HS3ST2: variants seen among roughly 807,000 people sequenced by gnomAD.
HS3ST2 encodes the protein heparan sulfate glucosamine 3-O-sulfotransferase 2.
HS3ST2 carries 17 observed loss-of-function variants against 26.3 expected under a neutral mutation model. The ratio of observed to expected loss-of-function variants is 0.65; its 90% CI spans 0.44 to 0.97. The LOEUF (loss-of-function observed/expected upper bound fraction) is 0.97, where lower values mean the gene tolerates loss of function less well. Among genes scored for constraint, HS3ST2 ranks in the 50% least tolerant of loss-of-function variants. HS3ST2 has a pLI of 0.00. For missense variants in HS3ST2, 402 were observed against 501.2 expected, an observed-to-expected ratio of 0.80 and a Z score of 1.89; for synonymous variants, 237 against 219.2, an observed-to-expected ratio of 1.08 and a Z score of -0.72.
rs208951 is a variant in HS3ST2, at chr16:22,815,018, A to G, written c.408A>G (p.Val136=). 623,686 of 1,612,800 alleles carry G rather than the reference A, an allele frequency of 0.39. 122,517 individuals carry two copies. The highest frequency in any genetic ancestry group is 0.51 in the African/African-American group (38,293 of 75,010). ...GGGCCGTGCTGGAGTTTATCCGAGTACACCCGGACGTGCGGGCCTTGGGCA... is the reference window on the plus strand; with the variant it reads ...GGGCCGTGCTGGAGTTTATCCGAGTGCACCCGGACGTGCGGGCCTTGGGCA... ...GTRAVLEFIR[V]HPDVRALGTE... The change falls in exon 1 of 2, where the codon GTA becomes GTG. Residue 136 remains valine (V), a synonymous_variant. Transcript: ENST00000261374.
intron 1 of HS3ST2, among the ~76,000 whole-genome samples, chr16:22,826,437 C>T (rs1319881432): frequency 2.0e-5 from 3 of 152,178 alleles, no homozygotes; most frequent in Non-Finnish European, 4.4e-5. Flanking sequence ...TAGGCTGGCT[C>T]ACCTCCTCAC....
intron 1 of HS3ST2, among the ~76,000 whole-genome samples, chr16:22,894,253 C>A (rs909175992): frequency 6.6e-6 from 1 of 152,168 alleles, no homozygotes; most frequent in Non-Finnish European, 1.5e-5. Flanking sequence ...TAGCTTGGTG[C>A]CTCACCCCGT....
intron 1 of HS3ST2, among the ~76,000 whole-genome samples, chr16:22,886,410 G>T (rs981694556): frequency 4.6e-5 from 7 of 152,142 alleles, no homozygotes; most frequent in African/African-American, 1.4e-4. Flanking sequence ...ATCTACATTG[G>T]CCCAAACCCC....
intron 1 of HS3ST2, among the ~76,000 whole-genome samples, chr16:22,853,325 G>A (rs1341568722): frequency 1.3e-5 from 2 of 152,206 alleles, no homozygotes; most frequent in African/African-American, 2.4e-5. Flanking sequence ...TGGTGTCGGG[G>A]TTCTTTTGGT....
chr16:22,896,968 T>C (rs192642549), intron 1 of HS3ST2, among the ~76,000 whole-genome samples: 23 of 152,032 alleles, frequency 1.5e-4, no homozygotes, highest in African/African-American at 5.1e-4. Context: ...CCACCATGCC[T>C]GGCTAATTTT....
chr16:22,884,661 T>A (rs12920187), intron 1 of HS3ST2, among the ~76,000 whole-genome samples: 56,467 of 139,006 alleles, frequency 0.41, 11,368 homozygotes, highest in South Asian at 0.57. Flanking sequence ...GAGAAAAAAA[T>A]ATATATATAT....
intron 1 of HS3ST2, among the ~76,000 whole-genome samples, chr16:22,900,697 G>A (rs2141204304): frequency 6.6e-6 from 1 of 152,202 alleles, no homozygotes; most frequent in East Asian, 1.9e-4. Context: ...AAGAAAGAAT[G>A]TGTTCCCAAA....
chr16:22,868,560 A>G (rs1463816064), intron 1 of HS3ST2, among the ~76,000 whole-genome samples: 1 of 152,166 alleles, frequency 6.6e-6, no homozygotes, highest in East Asian at 1.9e-4. Context: ...TAGAGAATGC[A>G]AAGTCAGGAA....
intron 1 of HS3ST2, among the ~76,000 whole-genome samples, chr16:22,900,061 G>A (rs1343304771): frequency 1.3e-5 from 2 of 152,224 alleles, no homozygotes; most frequent in African/African-American, 4.8e-5. Context: ...GTTGCCTCAG[G>A]AAGCTTCTTG....
intron 1 of HS3ST2, among the ~76,000 whole-genome samples, chr16:22,845,924 A>C (rs981282501): frequency 2.0e-5 from 3 of 152,228 alleles, no homozygotes; most frequent in Non-Finnish European, 4.4e-5. Flanking sequence ...AGGAGTTGAC[A>C]CTTCAGACTG....
intron 1 of HS3ST2, among the ~76,000 whole-genome samples, chr16:22,908,724 T>A (rs1359449544): frequency 6.6e-6 from 1 of 152,224 alleles, no homozygotes; most frequent in East Asian, 1.9e-4. Flanking sequence ...CATTAATCCA[T>A]GAATAGATGA....
chr16:22,902,350 C>T (rs1002201104), intron 1 of HS3ST2, among the ~76,000 whole-genome samples: 1 of 152,114 alleles, frequency 6.6e-6, no homozygotes, highest in East Asian at 1.9e-4. Context: ...CAAACAAACC[C>T]CTAGGAAAAG....
chr16:22,869,288 G>A (rs1024129319), intron 1 of HS3ST2, among the ~76,000 whole-genome samples: 5 of 152,114 alleles, frequency 3.3e-5, no homozygotes, highest in Non-Finnish European at 7.3e-5. Context: ...TAAAGGCATG[G>A]ATTTAGCATT....
intron 1 of HS3ST2, among the ~76,000 whole-genome samples, chr16:22,905,730 G>T (rs527334645): frequency 6.6e-6 from 1 of 152,158 alleles, no homozygotes; most frequent in Non-Finnish European, 1.5e-5. Flanking sequence ...GATGGGATGG[G>T]TGTGGCCAGG....
intron 1 of HS3ST2, among the ~76,000 whole-genome samples, chr16:22,882,015 A>G (rs1385845475): frequency 1.3e-5 from 2 of 152,204 alleles, no homozygotes; most frequent in African/African-American, 2.4e-5. Context: ...CCAAAATTTT[A>G]TAACTGAGAA....
At chr16:22,828,983 A>C (rs1901130154) in intron 1 of HS3ST2, among the ~76,000 whole-genome samples, 1 of 152,208 alleles carries the variant, frequency 6.6e-6, no homozygotes, top group South Asian at 2.1e-4. Context: ...ACCAGAAATG[A>C]CTCTGGGAAG....
chr16:22,853,744 G>A lies in HS3ST2; in HGVS notation c.485+38649G>A, dbSNP rs561920642. ...GGCAGAGGTCCCTACAGCAGAAGTG[G>A]CTGGGCCTCCTTCAAGACTGGAAGA... On this transcript the variant is annotated intron_variant, in intron 1 of 1. Transcript: ENST00000261374. Among the ~76,000 whole-genome samples the A allele has an allele frequency of 6.6e-5, 10 of 152,256 alleles. No individual in the cohort carries two copies. The South Asian group carries it at 1.9e-3, about 28-fold the overall frequency.
chr16:22,877,479 C>G (rs758687127), intron 1 of HS3ST2, among the ~76,000 whole-genome samples: 6 of 152,162 alleles, frequency 3.9e-5, no homozygotes, highest in Admixed American at 3.3e-4. Flanking sequence ...GTTGGCCTGG[C>G]GACTTACTGC....
chr16:22,891,252 T>TA (rs747889622), intron 1 of HS3ST2, among the ~76,000 whole-genome samples: 2 of 152,218 alleles, frequency 1.3e-5, no homozygotes, highest in Non-Finnish European at 2.9e-5. Flanking sequence ...GGTACGAGGT[T>TA]AATCATAACT....
Sources: gnomAD v4.1 joint callset for allele counts (sites outside exome capture counted in the v4.1 genomes callset) on GRCh38, gnomAD v4.1.1 for gene constraint, MANE v1.5 for transcripts, NCBI Gene and HGNC (gene_info 2026-07-23, HGNC 2026-07-21) for gene names.